The following DENND1A variants were observed in gnomAD, a reference collection of about 807,000 sequenced individuals.
DENND1A encodes DENN domain containing 1A.
In DENND1A, 51 loss-of-function variants were observed where a neutral mutation model predicts 113.7. The ratio of observed to expected loss-of-function variants is 0.45; its 90% CI spans 0.36 to 0.57. The LOEUF is 0.57. Among genes scored for constraint, DENND1A ranks in the 20% least tolerant of loss-of-function variants. The pLI is 0.00. For missense variants in DENND1A, 1,258 were observed against 1,395.9 expected (o/e 0.90, Z 1.57); for synonymous variants, 565 against 570.8 (o/e 0.99, Z 0.14).
At chr9:123,401,542 T>C (rs2043463799) in intron 21 of DENND1A, 17 of 1,350,536 alleles carry the variant, frequency 1.3e-5, no homozygotes, top group African/African-American at 4.4e-5. Flanking sequence ...ACAGAAAACC[T>C]GTCATTTGTT....
chr9:123,623,927 G>A (rs897921917), intron 10 of DENND1A, among the ~76,000 whole-genome samples: 1 of 152,186 alleles, frequency 6.6e-6, no homozygotes, highest in Non-Finnish European at 1.5e-5. Context: ...CAGGCGCCAT[G>A]TAAAAAGCTC....
At chr9:123,518,667 C>T (rs963617919) in intron 13 of DENND1A, among the ~76,000 whole-genome samples, 1 of 152,138 alleles carries the variant, frequency 6.6e-6, no homozygotes, top group Non-Finnish European at 1.5e-5. Flanking sequence ...GGAGCTAGCA[C>T]AGTACCTGGC....
chr9:123,591,626 G>A lies in DENND1A; in HGVS notation c.766-8356C>T, dbSNP rs551727236. On this transcript the variant is annotated intron_variant, in intron 11 of 23. Coordinates refer to ENST00000394215, the MANE Select transcript of DENND1A (RefSeq NM_001352964.2). ...TCAGACCAGGACCATCTCCAGGGCA[G>A]AGCTGTGTCTTATTTGTCTCCAGTG... is the stretch of plus-strand genomic sequence containing the variant. 2.6e-5 allele frequency among the ~76,000 whole-genome samples: 4 copies of A among 152,322 alleles called. 1 individual carries two copies. In the South Asian group the frequency reaches 8.3e-4, roughly 32 times the overall value.
At chr9:123,725,128 A>G (rs377375032) in intron 5 of DENND1A, among the ~76,000 whole-genome samples, 20 of 152,368 alleles carry the variant, frequency 1.3e-4, no homozygotes, top group South Asian at 4.1e-4. Context: ...ATTATGCCCA[A>G]GCTTCACTAA....
rs942260333 is a variant in DENND1A, at chr9:123,471,048, G to A, written c.994-13151C>T. Among the ~76,000 whole-genome samples the A allele has an allele frequency of 2.0e-5, 3 of 152,140 alleles. 1 individual carries two copies. The highest frequency in any genetic ancestry group is 2.0e-4 in the Admixed American group (3 of 15,278). ...TGCCTAGGCCTCGGTTTCTTCCTCC[G>A]TAAAATGGGAAGCTTGGAAAGTCTC... On this transcript the variant is annotated intron_variant, in intron 13 of 23. Coordinates refer to ENST00000394215, the MANE Select transcript of DENND1A (RefSeq NM_001352964.2).
At chr9:123,473,986 CTTTTTTTTTTTTTTT>C (rs5900577) in intron 13 of DENND1A, among the ~76,000 whole-genome samples, 3 of 70,720 alleles carry the variant, frequency 4.2e-5, no homozygotes, top group East Asian at 4.6e-4. Context: ...TACTTTCTTT[CTTTTTTTTTTTTTTT>C]TTTTTTTTTT....
At position 123,382,470 on chromosome 9, in the gene DENND1A, G is replaced by C; in HGVS notation, c.2175C>G (p.Leu725=). 1 of 1,613,566 alleles carries C rather than the reference G, an allele frequency of 6.2e-7. No individual in the cohort carries two copies. Residue 725 remains leucine (L), a synonymous_variant, in exon 24 of 24, where the codon CTC becomes CTG. Transcript: ENST00000394215. The part of the protein sequence containing the change: ...AASPEKPSAL[L]GNSLALPRRP... ...TTCGAGGCAGGGCCAGGGAGTTTCC[G>C]AGCAGGGCTGAGGGCTTCTCAGGGG...
At chr9:123,715,516 ATGAG>A (rs1335768145) in intron 5 of DENND1A, among the ~76,000 whole-genome samples, 1 of 152,212 alleles carries the variant, frequency 6.6e-6, no homozygotes, top group Admixed American at 6.5e-5. Flanking sequence ...TCATTAATGA[ATGAG>A]TGAGTAAAGT....
chr9:123,415,479 C>A (rs1262768055), intron 19 of DENND1A, among the ~76,000 whole-genome samples: 2 of 152,168 alleles, frequency 1.3e-5, no homozygotes, highest in Non-Finnish European at 2.9e-5. Context: ...TATCAGGATG[C>A]CCTGCCAGGA....
chr9:123,381,076 C>T lies in DENND1A; in HGVS notation c.*356G>A, dbSNP rs370496241. 9.7e-5 allele frequency: 24 copies of T among 248,168 alleles called. No homozygotes were observed. Among genetic ancestry groups the T allele is most frequent in the Middle Eastern group, 1.5e-3 (1 of 674 alleles). 15.4% of individuals were successfully genotyped at this position (248,168 alleles called of 1,614,324 possible). On this transcript the variant is annotated 3_prime_UTR_variant, in exon 24 of 24. Coordinates refer to ENST00000394215, the MANE Select transcript of DENND1A (RefSeq NM_001352964.2). This position sits in a 1 kb window ranked among gnomAD's most constrained non-coding sequence, Gnocchi z 4.7. Reference sequence around the variant, plus strand: ...GAGCTGGGCTCGGAGGGGAGGCCTTCGGAGCCTCTTGGGACACTTCCGGGG... The same window carrying T: ...GAGCTGGGCTCGGAGGGGAGGCCTTTGGAGCCTCTTGGGACACTTCCGGGG...
At chr9:123,825,134 A>G (rs1342258333) in intron 2 of DENND1A, among the ~76,000 whole-genome samples, 2 of 152,084 alleles carry the variant, frequency 1.3e-5, no homozygotes, top group Non-Finnish European at 2.9e-5. Flanking sequence ...GAGAGCAATT[A>G]AAGTTTGGTA....
intron 18 of DENND1A, among the ~76,000 whole-genome samples, chr9:123,445,212 G>A (rs1461868800): frequency 6.6e-6 from 1 of 152,186 alleles, no homozygotes; most frequent in Non-Finnish European, 1.5e-5. Flanking sequence ...CGGGAGACTA[G>A]AGGACAAAGA....
At chr9:123,718,476 G>C (rs1426180893) in intron 5 of DENND1A, among the ~76,000 whole-genome samples, 1 of 152,176 alleles carries the variant, frequency 6.6e-6, no homozygotes, top group East Asian at 1.9e-4. Flanking sequence ...GCTCCACTGA[G>C]CAGCAGCAAA....
At chr9:123,494,582 A>G (rs1486173732) in intron 13 of DENND1A, among the ~76,000 whole-genome samples, 1 of 152,090 alleles carries the variant, frequency 6.6e-6, no homozygotes, top group Non-Finnish European at 1.5e-5. Flanking sequence ...TAAGAATACG[A>G]TTTCCTTCTG....
chr9:123,728,578 G>T (rs2067924231), intron 5 of DENND1A, among the ~76,000 whole-genome samples: 1 of 149,344 alleles, frequency 6.7e-6, no homozygotes, highest in South Asian at 2.1e-4. Flanking sequence ...AATCACAGTG[G>T]GATTTTCTAT....
At chr9:123,621,295 C>T (rs915060482) in intron 10 of DENND1A, among the ~76,000 whole-genome samples, 2 of 151,554 alleles carry the variant, frequency 1.3e-5, no homozygotes, top group African/African-American at 4.9e-5. Flanking sequence ...AAGCAATTCT[C>T]GTGCTTCAGC....
intron 5 of DENND1A, among the ~76,000 whole-genome samples, chr9:123,733,191 G>A (rs1236714747): frequency 6.6e-6 from 1 of 152,124 alleles, no homozygotes; most frequent in African/African-American, 2.4e-5. Context: ...ATGTAGGTCA[G>A]GCGGGTCTCA....
chr9:123,583,081 T>C, intron 12 of DENND1A, 88 bp downstream of exon 12: 1 of 977,874 alleles, frequency 1.0e-6, no homozygotes, highest in Non-Finnish European at 1.5e-6. Context: ...ACCCTCGCTA[T>C]TTCCCCTCCT....
At chr9:123,588,873 T>C (rs566406901) in intron 11 of DENND1A, among the ~76,000 whole-genome samples, 3 of 152,000 alleles carry the variant, frequency 2.0e-5, no homozygotes, top group Admixed American at 6.5e-5. Flanking sequence ...GTTCAAGCTG[T>C]TCTTATGCCT....
Sources: allele counts gnomAD v4.1 joint callset (sites outside exome capture counted in the v4.1 genomes callset), GRCh38; gene constraint gnomAD v4.1.1; non-coding constraint Gnocchi (gnomAD v3.1); transcripts MANE v1.5; gene names NCBI Gene and HGNC (gene_info 2026-07-23, HGNC 2026-07-21).